Variants in ANK2 observed in about 807,000 individuals in gnomAD.
ANK2 encodes the protein ankyrin 2.
A neutral mutation model predicts 360.5 loss-of-function variants in ANK2; 83 were observed. The ratio of observed to expected loss-of-function variants is 0.23; its 90% CI spans 0.19 to 0.28. The LOEUF is 0.28. Among genes scored for constraint, ANK2 ranks in the 10% least tolerant of loss-of-function variants. ANK2 has a pLI of 1.00. For missense variants in ANK2, 4,201 were observed against 4,795.7 expected, an observed-to-expected ratio of 0.88 and a Z score of 3.66; for synonymous variants, 1,740 against 1,759.5, an observed-to-expected ratio of 0.99 and a Z score of 0.28.
intron 1 of ANK2, among the ~76,000 whole-genome samples, chr4:113,127,035 T>A (rs1189979785): frequency 1.3e-5 from 2 of 151,556 alleles, no homozygotes. Context: ...TTTAAAAGTT[T>A]GTAAAACTTT....
At chr4:112,790,484 C>CTTTTTTTTTTTTTT in the ANK2 span, among the ~76,000 whole-genome samples, 2 of 113,798 alleles carry the variant, frequency 1.8e-5, 1 homozygote, top group Non-Finnish European at 3.5e-5. Flanking sequence ...CTTTTCTTTT[C>CTTTTTTTTTTTTTT]TTTTTTTTTT....
chr4:113,026,026 T>G (rs950901806), intron 2 of ANK2, among the ~76,000 whole-genome samples: 15 of 152,206 alleles, frequency 9.9e-5, no homozygotes, highest in African/African-American at 3.6e-4. Context: ...TTGCTTGCTT[T>G]CTTGGTCATT....
intron 2 of ANK2, among the ~76,000 whole-genome samples, chr4:112,927,030 C>T (rs776742641): frequency 2.0e-5 from 3 of 152,070 alleles, no homozygotes; most frequent in Admixed American, 6.6e-5. Context: ...AAAGGGGAAG[C>T]CCTTTATAAA....
At chr4:113,274,769 T>C in intron 15 of ANK2, 120 bp downstream of exon 15, 1 of 1,033,392 alleles carries the variant, frequency 9.7e-7, no homozygotes, top group African/African-American at 1.6e-5. Context: ...TACTTCCTTC[T>C]CTACATATTT....
chr4:113,251,595 G>A (rs955378996), intron 10 of ANK2, among the ~76,000 whole-genome samples: 8 of 138,626 alleles, frequency 5.8e-5, no homozygotes, highest in African/African-American at 2.2e-4. Flanking sequence ...CCATTCTCTT[G>A]CCTCAGCCTC....
Position 113,354,464 on chromosome 4 carries a change from A to T in ANK2, c.5846A>T (p.Gln1949Leu). 3 of 1,613,984 alleles carry T rather than the reference A, an allele frequency of 1.9e-6. No individual in the cohort carries two copies. Among genetic ancestry groups the T allele is most frequent in the Non-Finnish European group, 2.5e-6 (3 of 1,179,958 alleles). Residue 1949 changes from glutamine (Q) to leucine (L), a missense_variant, in exon 38 of 46, where the codon CAA (glutamine) becomes CTA (leucine). Gln to Leu is a moderately radical substitution (Grantham distance 113). This residue lies in a region of ANK2 where 2,642 missense variants were observed against 2,714.5 expected (regional missense o/e 0.97). Coordinates refer to ENST00000357077, the MANE Select transcript of ANK2 (RefSeq NM_001148.6). The stretch of plus-strand genomic sequence containing the variant: ...CCCTCCGGAAGAACGGACAAGCACC[A>T]ACCTGTATCAACAGCTGGGAAAACT... ...VSPSGRTDKH[Q>L]PVSTAGKTEK...
At chr4:112,830,728 C>G (rs182982056) in intron 1 of ANK2, among the ~76,000 whole-genome samples, 1 of 152,198 alleles carries the variant, frequency 6.6e-6, no homozygotes, top group Admixed American at 6.5e-5. Context: ...CCCTTCAGCC[C>G]GCAGCTGCAC....
At chr4:112,905,660 T>C (rs970564238) in intron 2 of ANK2, among the ~76,000 whole-genome samples, 17 of 152,188 alleles carry the variant, frequency 1.1e-4, no homozygotes, top group African/African-American at 4.1e-4. Context: ...TATTTTCTTT[T>C]TGTTTTTGTT....
At chr4:112,717,302 T>C in the ANK2 span, among the ~76,000 whole-genome samples, 4 of 152,152 alleles carry the variant, frequency 2.6e-5, no homozygotes, top group Non-Finnish European at 5.9e-5. Flanking sequence ...TTTTTTCTGA[T>C]TGTCCTAAAA....
chr4:113,106,554 T>C (rs909275029), intron 1 of ANK2, among the ~76,000 whole-genome samples: 1 of 152,162 alleles, frequency 6.6e-6, no homozygotes, highest in Non-Finnish European at 1.5e-5. Context: ...TCAGTCGTAA[T>C]CCTTAATGCT....
At chr4:112,771,925 C>T in the ANK2 span, among the ~76,000 whole-genome samples, 25 of 152,126 alleles carry the variant, frequency 1.6e-4, no homozygotes, top group Admixed American at 1.4e-3. Context: ...GTTCAGATTC[C>T]TCTTGGTGTC....
intron 5 of ANK2, 137 bp from the exon 6 acceptor site, chr4:113,236,850 C>A: frequency 2.3e-6 from 2 of 880,010 alleles, no homozygotes; most frequent in Non-Finnish European, 3.7e-6. Context: ...TTATAATCTG[C>A]TTCTAATCTT....
chr4:113,183,180 A>T (rs1464800076), intron 2 of ANK2, among the ~76,000 whole-genome samples: 2 of 151,996 alleles, frequency 1.3e-5, no homozygotes, highest in African/African-American at 4.8e-5. Context: ...TTTCAGCGAA[A>T]TATGATTCTA....
In ANK2 at chr4:113,357,041, A is replaced by G. The variant is rs545512501; in HGVS notation, c.8423A>G (p.Tyr2808Cys). ...GDDVDEQPVI[Y>C]KESLALQGTH... ...GATGTTGATGAACAGCCAGTCATCT[A>G]TAAAGAATCATTAGCTCTCCAAGGC... The change falls in exon 38 of 46, where the codon TAT becomes TGT. Residue 2808 changes from tyrosine (Y) to cysteine (C), a missense_variant. Physicochemically the swap from Tyr to Cys is radical, Grantham distance 194 (BLOSUM62 -2). This residue lies in a region of ANK2 where 2,642 missense variants were observed against 2,714.5 expected (regional missense o/e 0.97). Coordinates refer to ENST00000357077, the MANE Select transcript of ANK2 (RefSeq NM_001148.6). 3.8e-5 allele frequency: 62 copies of G among 1,614,068 alleles called. 1 individual carries two copies. The Middle Eastern group carries it at 8.2e-4, about 21-fold the overall frequency.
chr4:113,151,116 AT>A (rs1401938910), intron 1 of ANK2: 1 of 1,289,162 alleles, frequency 7.8e-7, no homozygotes. Flanking sequence ...GGCCGCCAAC[AT>A]TGAAAAGGTG....
In ANK2 at chr4:113,356,112, C is replaced by A. The variant is rs1210639851; in HGVS notation, c.7494C>A (p.Leu2498=). The A allele has an allele frequency of 6.2e-7, 1 of 1,614,120 alleles. No individual in the cohort carries two copies. The highest frequency in any genetic ancestry group is 1.1e-5 in the South Asian group (1 of 91,084). ...CTGCAGCTGTTGCCAAAACAGAACT[C>A]TTGACGGAAGTGGCCTCTGTGCGGT... The part of the protein sequence containing the change: ...PLPAAVAKTE[L]LTEVASVRSR... The change falls in exon 38 of 46, where the codon CTC becomes CTA. Residue 2498 remains leucine, a synonymous_variant. Coordinates refer to ENST00000357077, the MANE Select transcript of ANK2 (RefSeq NM_001148.6).
chr4:112,786,938 G>T, the ANK2 span, among the ~76,000 whole-genome samples: 1 of 151,690 alleles, frequency 6.6e-6, no homozygotes, highest in African/African-American at 2.4e-5. Flanking sequence ...TAGTAGAGAT[G>T]GGGATTCGCC....
chr4:113,062,093 C>T (rs1226919590), intron 1 of ANK2, among the ~76,000 whole-genome samples: 2 of 152,034 alleles, frequency 1.3e-5, no homozygotes, highest in Non-Finnish European at 1.5e-5. Context: ...TTCTAAAAAC[C>T]TAAGGCCATG....
chr4:112,826,247 A>G lies in ANK2; in HGVS notation c.-40+7983A>G, dbSNP rs1245841248. On this transcript the variant is annotated intron_variant, in intron 1 of 30. Coordinates refer to the ANK2 transcript ENST00000503271. ...TCCAGACTTTCTAAGTCTAAGGCCTATCTCATAACCTGTTGTTACTATTTT... is the reference window on the plus strand; with the variant it reads ...TCCAGACTTTCTAAGTCTAAGGCCTGTCTCATAACCTGTTGTTACTATTTT... 9 of 426,848 alleles carry G rather than the reference A, an allele frequency of 2.1e-5. 1 individual carries two copies. The highest frequency in any genetic ancestry group is 3.4e-5 in the Non-Finnish European group (8 of 238,026). The allele number at this position is 426,848 out of a possible 1,614,324, so 26.4% of individuals were successfully genotyped here.
Sources: gnomAD v4.1 joint callset for allele counts (sites outside exome capture counted in the v4.1 genomes callset) on GRCh38, gnomAD v4.1.1 for gene constraint, gnomAD v4.1.1 regional missense constraint, MANE v1.5 for transcripts, NCBI Gene and HGNC (gene_info 2026-07-23, HGNC 2026-07-21) for gene names.